Variants in TRPC6 observed in about 807,000 individuals in gnomAD.
The protein encoded by TRPC6 is transient receptor potential cation channel subfamily C member 6, also known as short transient receptor potential channel 6.
TRPC6 carries 55 observed loss-of-function variants against 90.7 expected under a neutral mutation model. The ratio of observed to expected loss-of-function variants is 0.61; its 90% CI spans 0.49 to 0.76. TRPC6 has a LOEUF of 0.76. TRPC6 is among the 30% of genes least tolerant of loss of function. The pLI is 0.00. For synonymous variants in TRPC6, 393 were observed against 393.0 expected (o/e 1.00, Z 0.00); for missense variants, 989 against 1,122.7 (o/e 0.88, Z 1.70).
At chr11:101,536,287 T>G (rs1241852549) in intron 1 of TRPC6, among the ~76,000 whole-genome samples, 4 of 152,112 alleles carry the variant, frequency 2.6e-5, no homozygotes, top group Admixed American at 2.6e-4. Flanking sequence ...CTTGGGAGGC[T>G]GAGGCACCAG....
intron 1 of TRPC6, among the ~76,000 whole-genome samples, chr11:101,538,531 A>T (rs1358228786): frequency 6.6e-6 from 1 of 152,138 alleles, no homozygotes; most frequent in East Asian, 1.9e-4. Context: ...GGAACCTGTA[A>T]GTATGTTACG....
Position 101,557,316 on chromosome 11 carries a change from C to T in TRPC6, c.170+26018G>A, listed in dbSNP as rs186715463. Among the ~76,000 whole-genome samples, 392 of 152,282 alleles carry T rather than the reference C, an allele frequency of 2.6e-3. 1 individual carries two copies. The highest frequency in any genetic ancestry group is 8.9e-3 in the African/African-American group (371 of 41,548). On this transcript the variant is annotated intron_variant, in intron 1 of 12. Transcript: ENST00000344327. ...GTTGCAATGATCCGAGACTGTGCCA[C>T]TGCACTCCAGCCTGGGTGGCAGAGT...
rs117887134 is a variant in TRPC6, at chr11:101,549,211, T to A, written c.170+34123A>T. Among the ~76,000 whole-genome samples, 432 of 152,084 alleles carry A rather than the reference T, an allele frequency of 2.8e-3. 2 individuals carry two copies. Among genetic ancestry groups the A allele is most frequent in the Admixed American group, 7.8e-3 (119 of 15,244 alleles). On this transcript the variant is annotated intron_variant, in intron 1 of 12. Coordinates refer to ENST00000344327, the MANE Select transcript of TRPC6 (RefSeq NM_004621.6). ...GTACAAAATCAAACACTTTTGTAAGTTGAACAGAACTCAAAACCTAGAAAT... is the reference window on the plus strand; with the variant it reads ...GTACAAAATCAAACACTTTTGTAAGATGAACAGAACTCAAAACCTAGAAAT...
intron 1 of TRPC6, among the ~76,000 whole-genome samples, chr11:101,578,149 T>G (rs565724732): frequency 6.6e-6 from 1 of 152,336 alleles, no homozygotes; most frequent in African/African-American, 2.4e-5. Flanking sequence ...CCACTTCTTG[T>G]GGCTTACATT....
intron 1 of TRPC6, among the ~76,000 whole-genome samples, chr11:101,580,350 C>T (rs2136904210): frequency 6.6e-6 from 1 of 152,256 alleles, no homozygotes. Context: ...TCTTGCTAAT[C>T]ACCATTACAA....
chr11:101,514,626 A>C (rs1007337859), intron 1 of TRPC6, among the ~76,000 whole-genome samples: 14 of 152,304 alleles, frequency 9.2e-5, no homozygotes, highest in African/African-American at 2.4e-4. Flanking sequence ...TTAGAAGCTA[A>C]ACATCCATTG....
At chr11:101,538,224 T>G (rs899271428) in intron 1 of TRPC6, among the ~76,000 whole-genome samples, 2 of 152,240 alleles carry the variant, frequency 1.3e-5, no homozygotes, top group African/African-American at 4.8e-5. Flanking sequence ...TTTTTCTCAT[T>G]CTGGTGAATA....
chr11:101,561,763 T>C (rs1323116780), intron 1 of TRPC6, among the ~76,000 whole-genome samples: 1 of 151,552 alleles, frequency 6.6e-6, no homozygotes. Context: ...ACAATTACAA[T>C]ATAAGCAAGC....
chr11:101,457,650 C>T (rs1858915985), intron 10 of TRPC6, among the ~76,000 whole-genome samples: 1 of 152,084 alleles, frequency 6.6e-6, no homozygotes, highest in African/African-American at 2.4e-5. Context: ...TGCTCTGAAT[C>T]AAGTGGATGT....
chr11:101,504,230 G>C lies in TRPC6; in HGVS notation c.739C>G (p.Arg247Gly). The C allele has an allele frequency of 6.2e-7, 1 of 1,614,096 alleles. No homozygotes were observed. Among genetic ancestry groups the C allele is most frequent in the South Asian group, 1.1e-5 (1 of 91,074 alleles). ...TLLRKGARIERPHDYFCKCND... is the reference protein window; with the variant it reads ...TLLRKGARIEGPHDYFCKCND... ...CACTTGCAGAAATAATCATGAGGCC[G>C]TTCAATCCTAGCACCCTTCCGCAGG... The change falls in exon 2 of 13, where the codon CGG becomes GGG. Residue 247 changes from arginine to glycine, a missense_variant. Arg to Gly is a moderately radical substitution (Grantham distance 125, BLOSUM62 -2). Coordinates refer to ENST00000344327, the MANE Select transcript of TRPC6 (RefSeq NM_004621.6).
At chr11:101,513,390 A>C (rs117819833) in intron 1 of TRPC6, among the ~76,000 whole-genome samples, 3,332 of 152,268 alleles carry the variant, frequency 0.022, 56 homozygotes, top group Non-Finnish European at 0.029. Context: ...TAGATACAAT[A>C]ATTTGACTTT....
chr11:101,488,037 T>A (rs1859716897), intron 4 of TRPC6, among the ~76,000 whole-genome samples: 1 of 152,152 alleles, frequency 6.6e-6, no homozygotes, highest in African/African-American at 2.4e-5. Flanking sequence ...ATGCCCATGT[T>A]TAAGCACTGG....
chr11:101,512,774 G>A (rs1299313108), intron 1 of TRPC6, among the ~76,000 whole-genome samples: 1 of 152,110 alleles, frequency 6.6e-6, no homozygotes, highest in Non-Finnish European at 1.5e-5. Flanking sequence ...AAGTTTCTTT[G>A]TAATACCAGC....
At chr11:101,524,698 G>A (rs924909638) in intron 1 of TRPC6, among the ~76,000 whole-genome samples, 3 of 152,224 alleles carry the variant, frequency 2.0e-5, no homozygotes, top group Non-Finnish European at 4.4e-5. Context: ...GTAGTAGGTA[G>A]TAGGTGGTAT....
chr11:101,560,583 A>C (rs898720519), intron 1 of TRPC6, among the ~76,000 whole-genome samples: 2 of 152,182 alleles, frequency 1.3e-5, no homozygotes, highest in Admixed American at 6.6e-5. Context: ...ACTAAGCCAT[A>C]GCCACTGCCC....
At chr11:101,569,472 T>C (rs1194885976) in intron 1 of TRPC6, among the ~76,000 whole-genome samples, 6 of 151,998 alleles carry the variant, frequency 3.9e-5, no homozygotes, top group African/African-American at 1.4e-4. Context: ...GACAAAAAAT[T>C]AACAAGGATA....
At chr11:101,528,163 A>G (rs1021338371) in intron 1 of TRPC6, among the ~76,000 whole-genome samples, 1 of 152,224 alleles carries the variant, frequency 6.6e-6, no homozygotes, top group African/African-American at 2.4e-5. Context: ...AAATAAATCT[A>G]TGTTAAATTT....
At chr11:101,577,403 C>T (rs1054139349) in intron 1 of TRPC6, among the ~76,000 whole-genome samples, 2 of 152,098 alleles carry the variant, frequency 1.3e-5, no homozygotes, top group African/African-American at 4.8e-5. Context: ...TGTGACTGCC[C>T]CTTTGGGGTC....
rs1394618815 is a variant in TRPC6 at position 101,583,416 on chromosome 11, C to A, written c.88G>T (p.Asp30Tyr). The change falls in exon 1 of 13, where the codon GAC becomes TAC. Residue 30 changes from aspartate to tyrosine, a missense_variant. Asp to Tyr is a radical substitution (Grantham distance 160). Transcript: ENST00000344327. Reference sequence around the variant, plus strand: ...AGCTCCGAGTCCATGAGCAGATAGTCCTGGCTCTCGTTGCGCCGCGCAGCG... The same window carrying A: ...AGCTCCGAGTCCATGAGCAGATAGTACTGGCTCTCGTTGCGCCGCGCAGCG... ...GAAARRNESQ[D>Y]YLLMDSELGE... 3 of 1,574,582 alleles carry A rather than the reference C, an allele frequency of 1.9e-6. No homozygotes were observed. The highest frequency in any genetic ancestry group is 1.4e-5 in the African/African-American group (1 of 73,346).
Sources: allele counts gnomAD v4.1 joint callset (sites outside exome capture counted in the v4.1 genomes callset), GRCh38; gene constraint gnomAD v4.1.1; transcripts MANE v1.5; gene names NCBI Gene and HGNC (gene_info 2026-07-23, HGNC 2026-07-21).